The following PRIM2 variants were observed in gnomAD, a reference collection of about 807,000 sequenced individuals.
PRIM2 encodes DNA primase subunit 2.
A neutral mutation model predicts 67.3 loss-of-function variants in PRIM2; 39 were observed. The observed-to-expected ratio is 0.58, with a 90% CI of 0.45 to 0.76. The LOEUF is 0.76. Among genes scored for constraint, PRIM2 ranks in the 30% least tolerant of loss-of-function variants. The probability of loss-of-function intolerance (pLI) is 0.00; values close to 1 mark genes in which losing one functional copy is unlikely to be tolerated. For missense variants in PRIM2, 398 were observed against 598.7 expected, an observed-to-expected ratio of 0.66 and a Z score of 3.50; for synonymous variants, 143 against 198.7, an observed-to-expected ratio of 0.72 and a Z score of 2.36.
chr6:57,463,139 G>T (rs1773062390), intron 7 of PRIM2, among the ~76,000 whole-genome samples: 1 of 152,188 alleles, frequency 6.6e-6, no homozygotes, highest in Non-Finnish European at 1.5e-5. Flanking sequence ...CGGAAATCTA[G>T]AACTGAGTTC....
At chr6:57,524,468 G>A (rs1194162178) in intron 8 of PRIM2, among the ~76,000 whole-genome samples, 10 of 152,214 alleles carry the variant, frequency 6.6e-5, no homozygotes, top group South Asian at 2.1e-4. Context: ...TTGGGAGGCC[G>A]AGGCGGGCTG....
chr6:57,432,138 G>C (rs1203878331), intron 7 of PRIM2, among the ~76,000 whole-genome samples: 1 of 152,118 alleles, frequency 6.6e-6, no homozygotes, highest in African/African-American at 2.4e-5. Context: ...TTTTGTTTGT[G>C]ACAGAGGAGG....
At chr6:57,309,262 G>A in the PRIM2 span, among the ~76,000 whole-genome samples, 1 of 149,490 alleles carries the variant, frequency 6.7e-6, no homozygotes, top group South Asian at 2.2e-4. Context: ...CTAGCATTAG[G>A]TATATCTCCC....
intron 10 of PRIM2, among the ~76,000 whole-genome samples, chr6:57,553,433 CAT>C (rs1166626705): frequency 4.0e-5 from 6 of 151,848 alleles, no homozygotes; most frequent in African/African-American, 1.5e-4. Flanking sequence ...GAATCCAGGA[CAT>C]AGTCATTTTA....
At position 57,581,106 on chromosome 6, in the gene PRIM2, G is replaced by T. The variant is rs1373862804; in HGVS notation, c.1021-19987G>T. Among the ~76,000 whole-genome samples the T allele has an allele frequency of 4.6e-5, 7 of 152,076 alleles. No homozygotes were observed. The South Asian group carries it at 1.2e-3, about 27-fold the overall frequency. On this transcript the variant is annotated intron_variant, in intron 10 of 13. Transcript: ENST00000615550. Reference sequence around the variant, plus strand: ...TAATTCTTGTTTCTGTGAAGAAAAGGCAGCTTCTCTCTAGATTAGCTCTGA... The same window carrying T: ...TAATTCTTGTTTCTGTGAAGAAAAGTCAGCTTCTCTCTAGATTAGCTCTGA...
chr6:57,552,246 T>C (rs1366321594), intron 10 of PRIM2, among the ~76,000 whole-genome samples: 1 of 152,162 alleles, frequency 6.6e-6, no homozygotes, highest in Non-Finnish European at 1.5e-5. Flanking sequence ...ACATGAGGCC[T>C]ACACTAAGCT....
intron 7 of PRIM2, among the ~76,000 whole-genome samples, chr6:57,475,517 A>G (rs1773455603): frequency 1.3e-5 from 2 of 152,284 alleles, no homozygotes; most frequent in East Asian, 3.9e-4. Context: ...TCCATTTTGT[A>G]GCATATGTCA....
chr6:57,632,799 T>G (rs1333726697), intron 13 of PRIM2, among the ~76,000 whole-genome samples: 1 of 152,240 alleles, frequency 6.6e-6, no homozygotes, highest in Non-Finnish European at 1.5e-5. Flanking sequence ...GGCTGCCACC[T>G]GATGTTACTG....
chr6:57,367,773 G>A (rs1270206865), intron 5 of PRIM2, among the ~76,000 whole-genome samples: 1 of 152,212 alleles, frequency 6.6e-6, no homozygotes, highest in Non-Finnish European at 1.5e-5. Flanking sequence ...CAAACGAGGT[G>A]GTTGGACTTC....
In PRIM2 at chr6:57,520,895, G is replaced by A. The variant is rs1554348840; in HGVS notation, c.762-11516G>A. 2.3e-3 allele frequency among the ~76,000 whole-genome samples: 346 copies of A among 152,194 alleles called. 1 individual carries two copies. Among genetic ancestry groups the A allele is most frequent in the African/African-American group, 7.8e-3 (323 of 41,528 alleles). On this transcript the variant is annotated intron_variant, in intron 8 of 13. Coordinates refer to ENST00000615550, the MANE Select transcript of PRIM2 (RefSeq NM_000947.5). The stretch of plus-strand genomic sequence containing the variant: ...TAGTTCCTACCTGGTATGGAAACCC[G>A]TATGGTCCTGATTTTTATGGATATT...
At chr6:57,507,539 C>G in intron 8 of PRIM2, 85 bp downstream of exon 8, 1 of 1,391,372 alleles carries the variant, frequency 7.2e-7, no homozygotes, top group Non-Finnish European at 9.6e-7. Flanking sequence ...GAAACCCCTT[C>G]AATTACTAAA....
the PRIM2 span, among the ~76,000 whole-genome samples, chr6:57,251,177 C>T: frequency 2.0e-5 from 3 of 152,270 alleles, no homozygotes; most frequent in East Asian, 5.8e-4. Context: ...TTATCTGCCT[C>T]CATTTCGTTT....
chr6:57,361,253 T>G (rs1769190718), intron 5 of PRIM2, among the ~76,000 whole-genome samples: 2 of 152,132 alleles, frequency 1.3e-5, no homozygotes, highest in Admixed American at 1.3e-4. Context: ...TTACAGCACT[T>G]ATAAACTGGA....
At chr6:57,258,175 TA>T in the PRIM2 span, among the ~76,000 whole-genome samples, 1 of 152,122 alleles carries the variant, frequency 6.6e-6, no homozygotes, top group African/African-American at 2.4e-5. Flanking sequence ...TAAAACGAAA[TA>T]ACCTAACAAT....
intron 12 of PRIM2, among the ~76,000 whole-genome samples, chr6:57,626,098 G>A (rs1347598475): frequency 3.9e-5 from 6 of 152,220 alleles, no homozygotes; most frequent in Admixed American, 2.0e-4. Context: ...AATTAGATTA[G>A]CCACATATCT....
chr6:57,240,091 G>GTTTTTTTTTTTTTTTTT, the PRIM2 span, among the ~76,000 whole-genome samples: 10 of 90,014 alleles, frequency 1.1e-4, no homozygotes, highest in African/African-American at 4.4e-4. Flanking sequence ...TCAATAATCT[G>GTTTTTTTTTTTTTTTTT]TTTTTTTTTT....
At chr6:57,236,675 T>C in the PRIM2 span, among the ~76,000 whole-genome samples, 65 of 152,248 alleles carry the variant, frequency 4.3e-4, 1 homozygote, top group African/African-American at 1.5e-3. Context: ...GTTTGGTTTT[T>C]TGTCCTTGTG....
chr6:57,518,107 T>C (rs1774523824), intron 8 of PRIM2, among the ~76,000 whole-genome samples: 3 of 152,148 alleles, frequency 2.0e-5, no homozygotes, highest in African/African-American at 7.2e-5. Context: ...GCACTCTCAA[T>C]TGTTTCTAAT....
intron 7 of PRIM2, among the ~76,000 whole-genome samples, chr6:57,433,228 CTATTT>C (rs1771891852): frequency 6.6e-6 from 1 of 151,924 alleles, no homozygotes; most frequent in African/African-American, 2.4e-5. Context: ...AACCTTTGTT[CTATTT>C]TATTTTATTT....
Sources: gnomAD v4.1 joint callset for allele counts (sites outside exome capture counted in the v4.1 genomes callset) on GRCh38, gnomAD v4.1.1 for gene constraint, MANE v1.5 for transcripts, NCBI Gene and HGNC (gene_info 2026-07-23, HGNC 2026-07-21) for gene names.